Variants in PSTPIP2 observed in about 807,000 individuals in gnomAD.
PSTPIP2 encodes the protein proline-serine-threonine phosphatase-interacting protein 2.
PSTPIP2 carries 33 observed loss-of-function variants against 63.3 expected under a neutral mutation model. The observed-to-expected ratio is 0.52, with a 90% CI of 0.40 to 0.70. The LOEUF (loss-of-function observed/expected upper bound fraction) is 0.70, where lower values mean the gene tolerates loss of function less well. Among genes scored for constraint, PSTPIP2 ranks in the 30% least tolerant of loss-of-function variants. The pLI is 0.00. For synonymous variants in PSTPIP2, 125 were observed against 132.7 expected, an observed-to-expected ratio of 0.94 and a Z score of 0.40; for missense variants, 312 against 400.7, an observed-to-expected ratio of 0.78 and a Z score of 1.89.
chr18:46,066,799 C>T (rs1264501634), intron 1 of PSTPIP2, among the ~76,000 whole-genome samples: 1 of 152,024 alleles, frequency 6.6e-6, no homozygotes, highest in Non-Finnish European at 1.5e-5. Flanking sequence ...CCCAGGCGGG[C>T]GAATCACCTG....
At chr18:45,989,104 G>T (rs1327351842) in intron 13 of PSTPIP2, among the ~76,000 whole-genome samples, 1 of 152,142 alleles carries the variant, frequency 6.6e-6, no homozygotes, top group Non-Finnish European at 1.5e-5. Flanking sequence ...ATTGTTCAAA[G>T]ATATAATTTC....
intron 1 of PSTPIP2, among the ~76,000 whole-genome samples, chr18:46,058,359 T>C (rs1436342724): frequency 6.6e-6 from 1 of 152,004 alleles, no homozygotes; most frequent in Non-Finnish European, 1.5e-5. Flanking sequence ...AGTTTTTTTT[T>C]GTTTTTTGTT....
intron 2 of PSTPIP2, among the ~76,000 whole-genome samples, chr18:46,035,192 T>C (rs1422153048): frequency 6.6e-6 from 1 of 152,010 alleles, no homozygotes; most frequent in Non-Finnish European, 1.5e-5. Flanking sequence ...GAGGCTGAGG[T>C]GGGCTGGATC....
chr18:46,054,713 T>C (rs1240194932), intron 1 of PSTPIP2, among the ~76,000 whole-genome samples: 3 of 150,472 alleles, frequency 2.0e-5, no homozygotes, highest in Non-Finnish European at 4.4e-5. Flanking sequence ...CAGGTTGGAG[T>C]GCAGTGGCGC....
chr18:46,067,352 A>C (rs1909229497), intron 1 of PSTPIP2, among the ~76,000 whole-genome samples: 1 of 151,508 alleles, frequency 6.6e-6, no homozygotes, highest in East Asian at 2.0e-4. Context: ...AATACAAAAA[A>C]ATTAGCCGGG....
At chr18:46,009,202 C>T (rs2144079952) in intron 5 of PSTPIP2, among the ~76,000 whole-genome samples, 1 of 152,126 alleles carries the variant, frequency 6.6e-6, no homozygotes, top group East Asian at 1.9e-4. Flanking sequence ...CTTCCAGGAC[C>T]TGCACCTCTT....
chr18:46,066,795 C>A (rs762974555), intron 1 of PSTPIP2, among the ~76,000 whole-genome samples: 3 of 152,174 alleles, frequency 2.0e-5, no homozygotes, highest in African/African-American at 4.8e-5. Flanking sequence ...TTTGCCCAGG[C>A]GGGCGAATCA....
intron 10 of PSTPIP2, 132 bp from the exon 11 acceptor site, chr18:45,992,334 G>A: frequency 1.4e-6 from 1 of 720,478 alleles, no homozygotes; most frequent in Non-Finnish European, 2.4e-6. Flanking sequence ...AGGTTGGGGT[G>A]GGCGGATCAC....
intron 2 of PSTPIP2, among the ~76,000 whole-genome samples, chr18:46,038,675 G>A (rs61748280): frequency 0.016 from 2,398 of 152,258 alleles, 71 homozygotes; most frequent in African/African-American, 0.055. Flanking sequence ...GAAGGGAACT[G>A]CTCCCTTAAA....
At chr18:46,015,690 G>A (rs2051845672) in intron 4 of PSTPIP2, among the ~76,000 whole-genome samples, 1 of 152,092 alleles carries the variant, frequency 6.6e-6, no homozygotes, top group African/African-American at 2.4e-5. Context: ...TGAGAAGCAT[G>A]GCTCTGAGTA....
chr18:46,067,080 C>T (rs948825655), intron 1 of PSTPIP2, among the ~76,000 whole-genome samples: 15 of 151,832 alleles, frequency 9.9e-5, no homozygotes, highest in Non-Finnish European at 1.9e-4. Flanking sequence ...CTAGCTCCCT[C>T]CGGCTGCTCT....
rs180749720 is a variant in PSTPIP2, at chr18:46,006,952, A to T, written c.355-1421T>A. 2.6e-3 allele frequency among the ~76,000 whole-genome samples: 396 copies of T among 152,254 alleles called. 1 individual carries two copies. Among genetic ancestry groups the T allele is most frequent in the Middle Eastern group, 6.8e-3 (2 of 294 alleles). On this transcript the variant is annotated intron_variant, in intron 5 of 14. Transcript: ENST00000409746. ...AAGTAACACAGTCAGCAAGTAATAGAATTGAAATTTGAACCCAGTAGCCCT... is the reference window on the plus strand; with the variant it reads ...AAGTAACACAGTCAGCAAGTAATAGTATTGAAATTTGAACCCAGTAGCCCT...
Position 46,004,670 on chromosome 18 carries a change from G to C in PSTPIP2, c.417+799C>G, listed in dbSNP as rs188470168. On this transcript the variant is annotated intron_variant, in intron 6 of 14. Coordinates refer to ENST00000409746, the MANE Select transcript of PSTPIP2 (RefSeq NM_024430.4). ...CTTGCTATATTTTCTCGGGTTACCA[G>C]AAAGATAACCCTGTTGCATTTCCAC... Among the ~76,000 whole-genome samples the C allele has an allele frequency of 1.6e-3, 237 of 152,188 alleles. 2 individuals carry two copies. Among genetic ancestry groups the C allele is most frequent in the African/African-American group, 4.2e-3 (173 of 41,506 alleles).
intron 3 of PSTPIP2, among the ~76,000 whole-genome samples, chr18:46,021,026 A>G (rs1205910103): frequency 3.9e-5 from 6 of 152,210 alleles, no homozygotes; most frequent in Non-Finnish European, 7.4e-5. Flanking sequence ...TATATTGCCA[A>G]TGGCTTATGC....
rs746457178 is a variant in PSTPIP2, at chr18:46,039,955, TAGAA to T, written c.122_125del (p.Phe41Ter). 6.2e-7 allele frequency: 1 copy of T among 1,610,830 alleles called. No individual in the cohort carries two copies. The highest frequency in any genetic ancestry group is 1.3e-5 in the African/African-American group (1 of 74,982). ...ACAGAGCATCATCGTACCTTTCTTT[TAGAA>T]AGTCTTCAAACTCTTTGCAGTTCTT... On this transcript the variant is annotated frameshift_variant, in exon 2 of 15. Coordinates refer to ENST00000409746, the MANE Select transcript of PSTPIP2 (RefSeq NM_024430.4). LOFTEE classifies it high-confidence loss of function.
At chr18:46,070,628 C>T (rs1909360402) in intron 1 of PSTPIP2, among the ~76,000 whole-genome samples, 3 of 152,220 alleles carry the variant, frequency 2.0e-5, no homozygotes, top group African/African-American at 7.2e-5. Context: ...ATCCTCTTGC[C>T]TCAGCCTCCC....
intron 1 of PSTPIP2, among the ~76,000 whole-genome samples, chr18:46,058,324 T>C (rs1908847303): frequency 6.6e-6 from 1 of 152,090 alleles, no homozygotes; most frequent in African/African-American, 2.4e-5. Context: ...TTTGATATTT[T>C]ACAATAAGCA....
chr18:46,011,439 C>T, intron 4 of PSTPIP2, 152 bp from the exon 5 acceptor site: 1 of 639,162 alleles, frequency 1.6e-6, no homozygotes, highest in Non-Finnish European at 2.7e-6. Flanking sequence ...TATTGAACCT[C>T]TCCATATGTC....
In PSTPIP2 at chr18:46,014,611, G is replaced by A. The variant is rs192787446; in HGVS notation, c.247+1292C>T. ...GCCTGTGGGCCCAGCTACTCAGAAG[G>A]CTGAGCCTGGAGGATCGCTTAACCC... On this transcript the variant is annotated intron_variant, in intron 4 of 14. Coordinates refer to ENST00000409746, the MANE Select transcript of PSTPIP2 (RefSeq NM_024430.4). Among the ~76,000 whole-genome samples the A allele has an allele frequency of 3.2e-4, 48 of 152,254 alleles. No individual in the cohort carries two copies. The East Asian group carries it at 8.9e-3, about 28-fold the overall frequency.
Sources: allele counts gnomAD v4.1 joint callset (sites outside exome capture counted in the v4.1 genomes callset), GRCh38; gene constraint gnomAD v4.1.1; transcripts MANE v1.5; gene names NCBI Gene and HGNC (gene_info 2026-07-23, HGNC 2026-07-21).